Variants in TMPRSS15 observed in about 807,000 individuals in gnomAD.
TMPRSS15 encodes the protein transmembrane serine protease 15.
TMPRSS15 carries 128 observed loss-of-function variants against 125.3 expected under a neutral mutation model. The ratio of observed to expected loss-of-function variants is 1.02; its 90% CI spans 0.89 to 1.18. The LOEUF is 1.18. Ranked by LOEUF, TMPRSS15 falls within the 50% of genes most tolerant of loss-of-function variation. The probability of loss-of-function intolerance (pLI) is 0.00; values close to 1 mark genes in which losing one functional copy is unlikely to be tolerated. For missense variants in TMPRSS15, 1,283 were observed against 1,212.7 expected (o/e 1.06, Z -0.86); for synonymous variants, 446 against 423.2 (o/e 1.05, Z -0.66).
intron 1 of TMPRSS15, among the ~76,000 whole-genome samples, chr21:18,473,988 T>C (rs1774912463): frequency 6.6e-6 from 1 of 152,160 alleles, no homozygotes; most frequent in Non-Finnish European, 1.5e-5. Context: ...TGACTACAGA[T>C]GGTATTAAAT....
At chr21:18,277,662 A>G (rs1185469881) in intron 23 of TMPRSS15, among the ~76,000 whole-genome samples, 3 of 152,230 alleles carry the variant, frequency 2.0e-5, no homozygotes, top group Admixed American at 6.5e-5. Flanking sequence ...GCTTTCTCTT[A>G]TAATAGGTAA....
chr21:18,337,359 T>C (rs1481203173), intron 13 of TMPRSS15, among the ~76,000 whole-genome samples: 1 of 152,216 alleles, frequency 6.6e-6, no homozygotes, highest in Non-Finnish European at 1.5e-5. Flanking sequence ...GCCCCAGAAA[T>C]AAGCCAGGGG....
rs536667768 is a variant in TMPRSS15 at position 18,274,807 on chromosome 21, C to T, written c.2904+390G>A. Among the ~76,000 whole-genome samples, 32 of 152,298 alleles carry T rather than the reference C, an allele frequency of 2.1e-4. No homozygotes were observed. In the South Asian group the frequency reaches 3.9e-3, roughly 19 times the overall value. On this transcript the variant is annotated intron_variant, in intron 24 of 24. Transcript: ENST00000284885. ...GAGGCCCACAGACTAAACTGGCCCT[C>T]AAGCCCTGTTTTTGTTTGTTTGTTT...
chr21:18,472,383 A>C (rs1978797138), intron 1 of TMPRSS15, among the ~76,000 whole-genome samples: 1 of 151,676 alleles, frequency 6.6e-6, no homozygotes, highest in African/African-American at 2.4e-5. Flanking sequence ...CAATTCAGGT[A>C]GCCAATTATT....
Position 18,294,325 on chromosome 21 carries a change from C to T in TMPRSS15, c.2431G>A (p.Gly811Ser), listed in dbSNP as rs370207339. ...CAGTCACTGCTGACGAGAGATGCGC[C>T]GCAGAGCAGTCGGCCGCCATAATAC... ...GLYYGGRLLCGASLVSSDWLV... is the reference protein window; with the variant it reads ...GLYYGGRLLCSASLVSSDWLV... Residue 811 changes from glycine (G) to serine (S), a missense_variant, in exon 21 of 25, where the codon GGC (glycine) becomes AGC (serine). Physicochemically the swap from Gly to Ser is moderately conservative, Grantham distance 56. Transcript: ENST00000284885. The T allele has an allele frequency of 3.1e-5, 50 of 1,614,210 alleles. No homozygotes were observed. Among genetic ancestry groups the T allele is most frequent in the East Asian group, 2.5e-4 (11 of 44,878 alleles).
intron 21 of TMPRSS15, among the ~76,000 whole-genome samples, chr21:18,291,851 G>T (rs1176263725): frequency 6.6e-6 from 1 of 152,122 alleles, no homozygotes; most frequent in Non-Finnish European, 1.5e-5. Context: ...ACTTACCTTT[G>T]CTTGTGCTTA....
chr21:18,291,511 A>C (rs1427055533), intron 21 of TMPRSS15, among the ~76,000 whole-genome samples: 1 of 152,204 alleles, frequency 6.6e-6, no homozygotes, highest in East Asian at 1.9e-4. Context: ...TACCTGGAAC[A>C]GGTTTACACT....
intron 8 of TMPRSS15, among the ~76,000 whole-genome samples, chr21:18,359,000 T>A (rs549504143): frequency 3.5e-4 from 53 of 152,166 alleles, no homozygotes; most frequent in African/African-American, 1.3e-3. Flanking sequence ...CTAGAACAGT[T>A]AACTATTTCT....
At chr21:18,367,018 C>CT (rs888588488) in intron 6 of TMPRSS15, among the ~76,000 whole-genome samples, 27 of 151,028 alleles carry the variant, frequency 1.8e-4, no homozygotes, top group Non-Finnish European at 3.5e-4. Context: ...TGGGTTTTTG[C>CT]TTTTTTTTGG....
At chr21:18,300,250 CTTCTTTCTCTCT>C (rs1040862645) in intron 18 of TMPRSS15, among the ~76,000 whole-genome samples, 24 of 140,298 alleles carry the variant, frequency 1.7e-4, no homozygotes, top group Admixed American at 7.9e-4. Context: ...CTTTGTTTTT[CTTCTTTCTCTCT>C]TTCTTTCTCT....
At chr21:18,376,726 C>G (rs192699097) in intron 5 of TMPRSS15, among the ~76,000 whole-genome samples, 3 of 152,252 alleles carry the variant, frequency 2.0e-5, no homozygotes, top group Admixed American at 1.3e-4. Context: ...TGTAGCACTC[C>G]AGAAATTAAT....
At chr21:18,442,685 A>G (rs2076245124) in intron 1 of TMPRSS15, among the ~76,000 whole-genome samples, 1 of 152,194 alleles carries the variant, frequency 6.6e-6, no homozygotes, top group African/African-American at 2.4e-5. Flanking sequence ...CTAGTTGATC[A>G]GAGTTCAAAT....
At chr21:18,345,540 G>C (rs2075496049) in intron 10 of TMPRSS15, among the ~76,000 whole-genome samples, 1 of 150,536 alleles carries the variant, frequency 6.6e-6, no homozygotes, top group South Asian at 2.1e-4. Context: ...AGGAGATCCA[G>C]ACCATCCTGG....
At chr21:18,337,300 C>G (rs58714128) in intron 13 of TMPRSS15, among the ~76,000 whole-genome samples, 6,143 of 152,200 alleles carry the variant, frequency 0.04, 360 homozygotes, top group African/African-American at 0.13. Context: ...ATATTTAATA[C>G]TATAGCTAGG....
At chr21:18,440,335 T>A (rs1223378792) in intron 1 of TMPRSS15, among the ~76,000 whole-genome samples, 1 of 122,994 alleles carries the variant, frequency 8.1e-6, no homozygotes, top group Non-Finnish European at 1.6e-5. Context: ...ATCGCGCCAC[T>A]GCACTCCAGC....
chr21:18,340,823 A>G (rs1253310765), intron 13 of TMPRSS15, among the ~76,000 whole-genome samples: 1 of 152,176 alleles, frequency 6.6e-6, no homozygotes, highest in Non-Finnish European at 1.5e-5. Flanking sequence ...TCCAGTGAAA[A>G]CAAAATGGAA....
intron 10 of TMPRSS15, 44 bp downstream of exon 10, chr21:18,352,859 T>G (rs777174369): frequency 1.3e-6 from 2 of 1,596,440 alleles, no homozygotes; most frequent in South Asian, 2.2e-5. Flanking sequence ...CCTTTTGATT[T>G]ATGAATTAAA....
At chr21:18,480,814 T>C (rs1978967845) in intron 1 of TMPRSS15, among the ~76,000 whole-genome samples, 1 of 151,860 alleles carries the variant, frequency 6.6e-6, no homozygotes, top group Non-Finnish European at 1.5e-5. Flanking sequence ...ATAAAAGATA[T>C]TAACTCTTGT....
chr21:18,485,260 T>C (rs1215100518), intron 1 of TMPRSS15, among the ~76,000 whole-genome samples: 2 of 151,940 alleles, frequency 1.3e-5, no homozygotes, highest in Non-Finnish European at 2.9e-5. Context: ...AATAATTTCA[T>C]CTGTGAATAA....
Sources: allele counts gnomAD v4.1 joint callset (sites outside exome capture counted in the v4.1 genomes callset), GRCh38; gene constraint gnomAD v4.1.1; transcripts MANE v1.5; gene names NCBI Gene and HGNC (gene_info 2026-07-23, HGNC 2026-07-21).